RPS6KA5: variants seen among roughly 807,000 people sequenced by gnomAD.
The protein encoded by RPS6KA5 is ribosomal protein S6 kinase alpha-5.
A neutral mutation model predicts 85.5 loss-of-function variants in RPS6KA5; 27 were observed. That is an observed-to-expected ratio of 0.32 (90% CI 0.23 to 0.44). The LOEUF (loss-of-function observed/expected upper bound fraction) is 0.44, where lower values mean the gene tolerates loss of function less well. Ranked by LOEUF, RPS6KA5 falls within the 20% of genes least tolerant of loss-of-function variation. The pLI, the probability that RPS6KA5 is intolerant of heterozygous loss-of-function variation, is 1.00. For missense variants in RPS6KA5, 811 were observed against 980.9 expected, an observed-to-expected ratio of 0.83 and a Z score of 2.31; for synonymous variants, 334 against 348.2, an observed-to-expected ratio of 0.96 and a Z score of 0.46.
intron 2 of RPS6KA5, among the ~76,000 whole-genome samples, chr14:90,983,439 A>G (rs2039893809): frequency 6.6e-6 from 1 of 151,962 alleles, no homozygotes; most frequent in Admixed American, 6.6e-5. Flanking sequence ...GTCTCTACAA[A>G]GAACACAAAA....
chr14:90,908,263 A>G (rs2035619319), intron 7 of RPS6KA5, among the ~76,000 whole-genome samples: 1 of 152,252 alleles, frequency 6.6e-6, no homozygotes. Context: ...GCAGGGAGCT[A>G]GAATTTTAAA....
rs149261139 is a variant in RPS6KA5, at chr14:91,047,460, C to A, written c.103+12872G>T. Among the ~76,000 whole-genome samples the A allele has an allele frequency of 2.1e-4, 32 of 152,344 alleles. 1 individual carries two copies. In the Middle Eastern group the frequency reaches 0.014, roughly 65 times the overall value. ...AAGATCAGAAAGGAATGTCTCCCTG[C>A]AGATTCATTAGAGAAGACACCATTC... On this transcript the variant is annotated intron_variant, in intron 1 of 16. Transcript: ENST00000614987.
At chr14:91,003,179 CTTTTT>C (rs1168781582) in intron 1 of RPS6KA5, among the ~76,000 whole-genome samples, 3 of 151,598 alleles carry the variant, frequency 2.0e-5, no homozygotes. Context: ...ATTAGGAATC[CTTTTT>C]TATTTACTGA....
chr14:90,903,749 C>T (rs1000105359), intron 8 of RPS6KA5, among the ~76,000 whole-genome samples: 4 of 152,170 alleles, frequency 2.6e-5, no homozygotes, highest in Admixed American at 2.6e-4. Flanking sequence ...CCTACTACCA[C>T]ATTTTTTCAA....
chr14:91,013,978 G>A (rs1006971809), intron 1 of RPS6KA5, among the ~76,000 whole-genome samples: 1 of 152,194 alleles, frequency 6.6e-6, no homozygotes, highest in Non-Finnish European at 1.5e-5. Context: ...CTGAATAGTT[G>A]CAGTGCAATC....
chr14:91,023,316 T>C (rs1383283032), intron 1 of RPS6KA5, among the ~76,000 whole-genome samples: 4 of 150,794 alleles, frequency 2.7e-5, no homozygotes, highest in Non-Finnish European at 5.9e-5. Flanking sequence ...GGAGACAGAG[T>C]CTCACTCTGT....
intron 3 of RPS6KA5, among the ~76,000 whole-genome samples, chr14:90,951,733 T>C (rs1434819943): frequency 6.6e-6 from 1 of 152,208 alleles, no homozygotes; most frequent in Admixed American, 6.5e-5. Flanking sequence ...CTATTTTGCA[T>C]AGAAGGTTCC....
At chr14:90,972,477 G>A (rs934228681) in intron 3 of RPS6KA5, among the ~76,000 whole-genome samples, 2 of 152,162 alleles carry the variant, frequency 1.3e-5, no homozygotes, top group Admixed American at 6.5e-5. Flanking sequence ...GAATTTCATA[G>A]AGGAAAAAGG....
Position 90,890,535 on chromosome 14 carries a change from C to G in RPS6KA5, c.1788G>C (p.Gln596His), listed in dbSNP as rs1674275930. 6.2e-7 allele frequency: 1 copy of G among 1,614,136 alleles called. No homozygotes were observed. The highest frequency in any genetic ancestry group is 8.5e-7 in the Non-Finnish European group (1 of 1,180,014). The change falls in exon 14 of 17, where the codon CAG becomes CAC. Residue 596 changes from glutamine to histidine, a missense_variant. By Grantham distance (24) the Gln-to-His change is conservative (BLOSUM62 0). Transcript: ENST00000614987. ...LHYAAPELLN[Q>H]NGYDESCDLW... The stretch of plus-strand genomic sequence containing the variant: ...GGTCACAGGACTCATCGTAGCCGTT[C>G]TGATTCAAGAGCTCTGGGGCGGCAT...
At chr14:90,900,575 T>C (rs1393829961) in intron 10 of RPS6KA5, 36 bp downstream of exon 10, 1 of 1,590,368 alleles carries the variant, frequency 6.3e-7, no homozygotes, top group South Asian at 1.2e-5. Context: ...TCACAAAACC[T>C]ACAAATATGT....
chr14:91,018,242 A>G (rs1164504979), intron 1 of RPS6KA5, among the ~76,000 whole-genome samples: 5 of 152,194 alleles, frequency 3.3e-5, no homozygotes, highest in Non-Finnish European at 4.4e-5. Context: ...TGTCATGAAT[A>G]TTTCCTTATT....
In RPS6KA5 at chr14:90,861,896, A is replaced by G. The variant is rs1449245557; in HGVS notation, c.*10178T>C. 1.3e-5 allele frequency: 2 copies of G among 151,710 alleles called. No individual in the cohort carries two copies. The highest frequency in any genetic ancestry group is 3.9e-4 in the East Asian group (2 of 5,182). The allele number at this position is 151,710 out of a possible 1,614,324, so 9.4% of individuals were successfully genotyped here. ...CTGGCGACAAAGACTCCATCTCAAA[A>G]AAAAAAAAAAAAAAGGGGAAAACAG... On this transcript the variant is annotated 3_prime_UTR_variant, in exon 17 of 17. Transcript: ENST00000614987.
At chr14:90,885,570 AAAAAAAAAAAAAAAAAAAAAAAT>A (rs2034146203) in intron 14 of RPS6KA5, among the ~76,000 whole-genome samples, 2 of 62,264 alleles carry the variant, frequency 3.2e-5, no homozygotes, top group Non-Finnish European at 3.7e-5. Context: ...AAAAAAAAAA[AAAAAAAAAAAAAAAAAAAAAAAT>A]TAGACGGGCG....
intron 3 of RPS6KA5, among the ~76,000 whole-genome samples, chr14:90,955,796 T>C (rs2038473207): frequency 2.0e-5 from 3 of 152,208 alleles, no homozygotes; most frequent in Admixed American, 6.5e-5. Flanking sequence ...CTGAATCTTT[T>C]TGCATTATTG....
chr14:90,865,219 C>A lies in RPS6KA5; in HGVS notation c.*6855G>T, dbSNP rs1235124343. 6.6e-6 allele frequency: 1 copy of A among 152,196 alleles called. No homozygotes were observed. Among genetic ancestry groups the A allele is most frequent in the African/African-American group, 2.4e-5 (1 of 41,454 alleles). 9.4% of individuals were successfully genotyped at this position (152,196 alleles called of 1,614,324 possible). The stretch of plus-strand genomic sequence containing the variant: ...AATATATGCACAAGAATGCTTATGG[C>A]TGCTTTAAACACAAAAGCTAAAAAT... On this transcript the variant is annotated 3_prime_UTR_variant, in exon 17 of 17. Transcript: ENST00000614987.
chr14:90,885,741 C>CAA (rs11312699), intron 14 of RPS6KA5, among the ~76,000 whole-genome samples: 294 of 27,882 alleles, frequency 0.011, 10 homozygotes, highest in East Asian at 0.02. Flanking sequence ...GACTCCATCT[C>CAA]AAAAAAAAAA....
chr14:90,874,487 G>A lies in RPS6KA5; in HGVS notation c.1997-692C>T, dbSNP rs558370861. On this transcript the variant is annotated intron_variant, in intron 15 of 16. Coordinates refer to ENST00000614987, the MANE Select transcript of RPS6KA5 (RefSeq NM_004755.4). ...CCTGCAACGGCAGAGCTGGGGTGAG[G>A]AGGAAACAAAGGCAGACAGGACCAG... Among the ~76,000 whole-genome samples the A allele has an allele frequency of 5.3e-5, 8 of 152,258 alleles. No individual in the cohort carries two copies. In the South Asian group the frequency reaches 1.7e-3, roughly 32 times the overall value.
In RPS6KA5 at chr14:90,890,630, C is replaced by G; in HGVS notation, c.1693G>C (p.Asp565His). 1 of 1,614,012 alleles carries G rather than the reference C, an allele frequency of 6.2e-7. No homozygotes were observed. Among genetic ancestry groups the G allele is most frequent in the Non-Finnish European group, 8.5e-7 (1 of 1,179,978 alleles). The change falls in exon 14 of 17, where the codon GAT becomes CAT. Residue 565 changes from aspartate to histidine, a missense_variant. Around this residue, in one of 3 missense-constraint regions of RPS6KA5, gnomAD observed 650 missense variants for 793.4 expected, o/e 0.82. Transcript: ENST00000614987. ...ENDNLEIKIIDFGFARLKPPD... is the reference protein window; with the variant it reads ...ENDNLEIKIIHFGFARLKPPD... Reference sequence around the variant, plus strand: ...GGCTTTAGCCGTGCAAATCCAAAATCAATTATTTTAATTTCCAAATTGTCA... The same window carrying G: ...GGCTTTAGCCGTGCAAATCCAAAATGAATTATTTTAATTTCCAAATTGTCA...
At position 90,975,131 on chromosome 14, in the gene RPS6KA5, T is replaced by C. The variant is rs573569961; in HGVS notation, c.394+3175A>G. 1.1e-4 allele frequency among the ~76,000 whole-genome samples: 16 copies of C among 152,318 alleles called. No homozygotes were observed. In the South Asian group the frequency reaches 3.1e-3, roughly 30 times the overall value. ...TTTTCTTATTTTTGCTGTCCTGTAT[T>C]TTCTGTATGCATATATACTGCCTTT... On this transcript the variant is annotated intron_variant, in intron 3 of 16. Transcript: ENST00000614987.
Sources: gnomAD v4.1 joint callset for allele counts (sites outside exome capture counted in the v4.1 genomes callset) on GRCh38, gnomAD v4.1.1 for gene constraint, gnomAD v4.1.1 regional missense constraint, MANE v1.5 for transcripts, NCBI Gene and HGNC (gene_info 2026-07-23, HGNC 2026-07-21) for gene names.